SIPA1L3: variants seen among roughly 807,000 people sequenced by gnomAD.
SIPA1L3 encodes the protein signal-induced proliferation-associated 1-like protein 3.
Under a neutral mutation model 150.1 loss-of-function variants are expected in SIPA1L3, and 59 were observed. The ratio of observed to expected loss-of-function variants is 0.39; its 90% confidence interval spans 0.32 to 0.49. The LOEUF (loss-of-function observed/expected upper bound fraction) is 0.49. Among genes scored for constraint, SIPA1L3 ranks in the 20% least tolerant of loss-of-function variants. The pLI is 0.86. For missense variants in SIPA1L3, 2,211 were observed against 2,489.5 expected, an observed-to-expected ratio of 0.89 and a Z score of 2.38; for synonymous variants, 1,070 against 1,077.6, an observed-to-expected ratio of 0.99 and a Z score of 0.14.
intron 2 of SIPA1L3, among the ~76,000 whole-genome samples, chr19:38,078,583 C>A (rs1311526689): frequency 2.8e-5 from 3 of 107,140 alleles, no homozygotes; most frequent in Non-Finnish European, 6.0e-5. Flanking sequence ...GAGACACGCA[C>A]ACACACACAG....
chr19:38,193,723 C>T lies in SIPA1L3; in HGVS notation c.4783C>T (p.Pro1595Ser), dbSNP rs752869583. Residue 1595 changes from proline to serine, a missense_variant, in exon 18 of 22, where the codon CCG becomes TCG. Physicochemically the swap from Pro to Ser is moderately conservative, Grantham distance 74. This residue lies in a region of SIPA1L3 where 806 missense variants were observed against 870.1 expected (regional missense o/e 0.93). Transcript: ENST00000222345. ...PARRQHQHPHPPVGPGATPAA... is the reference protein window; with the variant it reads ...PARRQHQHPHSPVGPGATPAA... Reference sequence around the variant, plus strand: ...ACGCCGCCAGCACCAGCACCCCCACCCGCCCGTCGGCCCCGGTGCCACCCC... The same window carrying T: ...ACGCCGCCAGCACCAGCACCCCCACTCGCCCGTCGGCCCCGGTGCCACCCC... 1.1e-5 allele frequency: 17 copies of T among 1,567,220 alleles called. No individual in the cohort carries two copies. The highest frequency in any genetic ancestry group is 1.3e-5 in the Non-Finnish European group (15 of 1,165,134).
At chr19:38,183,003 G>A (rs913814132) in intron 16 of SIPA1L3, 1 of 422,442 alleles carries the variant, frequency 2.4e-6, no homozygotes, top group South Asian at 4.2e-5. Context: ...GCCATATCCG[G>A]GTGTGGAACA....
intron 2 of SIPA1L3, among the ~76,000 whole-genome samples, chr19:38,040,251 C>T (rs1299681608): frequency 6.6e-6 from 1 of 152,146 alleles, no homozygotes; most frequent in Non-Finnish European, 1.5e-5. Context: ...TTCCAGAGTA[C>T]GCTGTCTCCA....
intron 1 of SIPA1L3, among the ~76,000 whole-genome samples, chr19:37,961,338 G>A (rs893085221): frequency 6.6e-6 from 1 of 152,058 alleles, no homozygotes; most frequent in Middle Eastern, 3.4e-3. Flanking sequence ...ATTTTTGAAG[G>A]ATAGTTTTGC....
intron 2 of SIPA1L3, among the ~76,000 whole-genome samples, chr19:38,057,024 C>T (rs924432837): frequency 4.0e-4 from 61 of 152,188 alleles, no homozygotes; most frequent in Admixed American, 3.9e-3. Flanking sequence ...GTAATCCCAG[C>T]ACTCTGGGAA....
At position 38,081,349 on chromosome 19, in the gene SIPA1L3, C is replaced by T; in HGVS notation, c.-217C>T. 1.8e-6 allele frequency: 1 copy of T among 549,512 alleles called. No homozygotes were observed. The highest frequency in any genetic ancestry group is 3.2e-6 in the Non-Finnish European group (1 of 311,664). 34.0% of individuals were successfully genotyped at this position (549,512 alleles called of 1,614,324 possible). On this transcript the variant is annotated 5_prime_UTR_variant, in exon 3 of 22. Coordinates refer to ENST00000222345, the MANE Select transcript of SIPA1L3 (RefSeq NM_015073.3). ...ACTGAGCCACTCGGTCTGGAGCCCC[C>T]AGGACAGCACCTGCTTCCTGAGGTT... is the stretch of plus-strand genomic sequence containing the variant.
At position 38,082,681 on chromosome 19, in the gene SIPA1L3, TTCGGCCGCTTCCGCCGCC is replaced by T. The variant is rs767708244; in HGVS notation, c.1123_1140del (p.Ala375_Ala380del). The T allele has an allele frequency of 6.2e-7, 1 of 1,608,906 alleles. No homozygotes were observed. The highest frequency in any genetic ancestry group is 2.2e-5 in the East Asian group (1 of 44,826). ...AGCGGCGGAACACCACCACGGGTGC[TTCGGCCGCTTCCGCCGCC>T]TCGGCCATGGCCTCCCTCACGGCCT... On this transcript the variant is annotated inframe_deletion, in exon 3 of 22. Transcript: ENST00000222345.
intron 10 of SIPA1L3, among the ~76,000 whole-genome samples, chr19:38,132,779 C>G (rs1384531336): frequency 6.6e-6 from 1 of 151,440 alleles, no homozygotes; most frequent in African/African-American, 2.4e-5. Flanking sequence ...TCCTGAGTAG[C>G]TGGGATTACA....
intron 8 of SIPA1L3, among the ~76,000 whole-genome samples, chr19:38,118,916 C>G (rs201309531): frequency 7.9e-6 from 1 of 126,646 alleles, no homozygotes; most frequent in Non-Finnish European, 1.7e-5. Context: ...GGAAACTGGC[C>G]GCGTGTGGTG....
intron 2 of SIPA1L3, among the ~76,000 whole-genome samples, chr19:38,042,805 C>T (rs1465375900): frequency 3.9e-5 from 6 of 152,198 alleles, no homozygotes; most frequent in Non-Finnish European, 8.8e-5. Flanking sequence ...CTAGTTCTCT[C>T]ACATCCCCAG....
intron 12 of SIPA1L3, 94 bp from the exon 13 acceptor site, chr19:38,152,746 A>C: frequency 7.0e-7 from 1 of 1,427,056 alleles, no homozygotes; most frequent in Non-Finnish European, 9.5e-7. Flanking sequence ...GTGTGTCTAA[A>C]ACCCACTGGC....
intron 2 of SIPA1L3, among the ~76,000 whole-genome samples, chr19:38,050,645 G>A (rs1447100586): frequency 2.0e-5 from 3 of 152,152 alleles, no homozygotes; most frequent in South Asian, 2.1e-4. Flanking sequence ...CTCCTGGGTC[G>A]TCCAAGAGAC....
chr19:38,128,437 C>T (rs1201647645), intron 9 of SIPA1L3, among the ~76,000 whole-genome samples: 2 of 152,094 alleles, frequency 1.3e-5, no homozygotes, highest in Non-Finnish European at 2.9e-5. Context: ...CTTTACCATC[C>T]AAATGCTTAC....
At chr19:37,951,397 A>G (rs2046762547) in intron 1 of SIPA1L3, among the ~76,000 whole-genome samples, 1 of 152,214 alleles carries the variant, frequency 6.6e-6, no homozygotes, top group Non-Finnish European at 1.5e-5. Context: ...CATCCTTTGT[A>G]CAGAATAGGA....
chr19:38,053,560 C>CT (rs1019175868), intron 2 of SIPA1L3, among the ~76,000 whole-genome samples: 207 of 145,308 alleles, frequency 1.4e-3, no homozygotes, highest in East Asian at 5.6e-3. Flanking sequence ...GAAGGAGGTA[C>CT]TTTTTTTTTT....
chr19:37,992,260 A>G (rs1156757168), intron 1 of SIPA1L3, among the ~76,000 whole-genome samples: 1 of 152,218 alleles, frequency 6.6e-6, no homozygotes, highest in South Asian at 2.1e-4. Flanking sequence ...ACTCAAGGTA[A>G]GTAAGCCCCA....
intron 9 of SIPA1L3, among the ~76,000 whole-genome samples, 163 bp from the exon 10 acceptor site, chr19:38,130,335 C>T (rs915534986): frequency 7.9e-5 from 12 of 152,352 alleles, no homozygotes; most frequent in Middle Eastern, 3.4e-3. Flanking sequence ...AGGCTGGGAC[C>T]GGGTGCGTGT....
chr19:38,206,445 G>C lies in SIPA1L3; in HGVS notation c.*205G>C. On this transcript the variant is annotated 3_prime_UTR_variant, in exon 22 of 22. Transcript: ENST00000222345. ...CCCTCATGCCCCAGAGGGCGAAGTG[G>C]TCTCAGGCCTCCCTCCAAGCTGCCC... 1.7e-6 allele frequency: 1 copy of C among 580,270 alleles called. No homozygotes were observed. Among genetic ancestry groups the C allele is most frequent in the Non-Finnish European group, 2.9e-6 (1 of 348,164 alleles). 35.9% of individuals were successfully genotyped at this position (580,270 alleles called of 1,614,324 possible).
chr19:37,969,855 T>C (rs2046937937), intron 1 of SIPA1L3, among the ~76,000 whole-genome samples: 1 of 152,200 alleles, frequency 6.6e-6, no homozygotes, highest in African/African-American at 2.4e-5. Flanking sequence ...AGGCCGCTTG[T>C]TATTCCTGCT....
Sources: allele counts gnomAD v4.1 joint callset (sites outside exome capture counted in the v4.1 genomes callset), GRCh38; gene constraint gnomAD v4.1.1; regional missense constraint gnomAD v4.1.1; transcripts MANE v1.5; gene names NCBI Gene and HGNC (gene_info 2026-07-23, HGNC 2026-07-21).